ADCY2: variants seen among roughly 807,000 people sequenced by gnomAD.
ADCY2 encodes adenylate cyclase type 2.
In ADCY2, 31 loss-of-function variants were observed where a neutral mutation model predicts 125.2. The ratio of observed to expected loss-of-function variants is 0.25; its 90% CI spans 0.19 to 0.33. The LOEUF is 0.33. Among genes scored for constraint, ADCY2 ranks in the 10% least tolerant of loss-of-function variants. The probability of loss-of-function intolerance (pLI) is 1.00; values close to 1 mark genes in which losing one functional copy is unlikely to be tolerated. For missense variants in ADCY2, 904 were observed against 1,418.2 expected (o/e 0.64, Z 5.82); for synonymous variants, 512 against 548.4 (o/e 0.93, Z 0.93).
chr5:7,732,909 A>G (rs1378584939), intron 14 of ADCY2, among the ~76,000 whole-genome samples: 3 of 152,232 alleles, frequency 2.0e-5, no homozygotes, highest in African/African-American at 7.2e-5. Flanking sequence ...ATAGAATTAA[A>G]TTATTGGTTG....
rs1438693173 is a variant in ADCY2, at chr5:7,396,439, T to C, written c.143T>C (p.Val48Ala). ...YCMSQQHPLI[V>A]FLLLIVMGSC... ...ATGAGCCAGCAGCACCCGCTCATCGTCTTCCTGCTGCTCATCGTCATGGGC... is the reference window on the plus strand; with the variant it reads ...ATGAGCCAGCAGCACCCGCTCATCGCCTTCCTGCTGCTCATCGTCATGGGC... Residue 48 changes from valine to alanine, a missense_variant, in exon 1 of 25, where the codon GTC (valine) becomes GCC (alanine). Val to Ala is a moderately conservative substitution (Grantham distance 64). This residue lies in a region of ADCY2 where 113 missense variants were observed against 108.0 expected (regional missense o/e 1.05). Coordinates refer to ENST00000338316, the MANE Select transcript of ADCY2 (RefSeq NM_020546.3). This position sits in a 1 kb window ranked among gnomAD's most constrained non-coding sequence, Gnocchi z 5.7. The C allele has an allele frequency of 8.9e-6, 14 of 1,579,224 alleles. No homozygotes were observed. Among genetic ancestry groups the C allele is most frequent in the Non-Finnish European group, 1.2e-5 (14 of 1,163,154 alleles).
In ADCY2 at chr5:7,677,689, G is replaced by T. The variant is rs370365684; in HGVS notation, c.721-13002G>T. Among the ~76,000 whole-genome samples the T allele has an allele frequency of 3.9e-5, 6 of 152,260 alleles. No homozygotes were observed. In the South Asian group the frequency reaches 1.2e-3, roughly 32 times the overall value. The stretch of plus-strand genomic sequence containing the variant: ...TGTAGGGTCAGCCCACCTTCCAGCC[G>T]AGCACAATCATGGGATTGTTGACAG... On this transcript the variant is annotated intron_variant, in intron 4 of 24. Transcript: ENST00000338316.
chr5:7,766,613 T>C, intron 16 of ADCY2, 74 bp from the exon 17 acceptor site: 1 of 1,511,616 alleles, frequency 6.6e-7, no homozygotes, highest in Non-Finnish European at 9.0e-7. Flanking sequence ...ACAGAATTCA[T>C]AAAGTTAGCA....
intron 24 of ADCY2, among the ~76,000 whole-genome samples, chr5:7,824,243 A>G (rs772096754): frequency 1.1e-4 from 16 of 152,170 alleles, no homozygotes; most frequent in Non-Finnish European, 2.2e-4. Context: ...GGAAACCCCA[A>G]GAACAGCATA....
intron 7 of ADCY2, 71 bp downstream of exon 7, chr5:7,698,445 G>GT (rs1313553424): frequency 2.0e-6 from 3 of 1,511,452 alleles, no homozygotes; most frequent in African/African-American, 1.4e-5. Context: ...CAACGTGCAG[G>GT]TTTGTTACAT....
intron 3 of ADCY2, among the ~76,000 whole-genome samples, chr5:7,625,845 A>C (rs1738100534): frequency 6.6e-6 from 1 of 152,172 alleles, no homozygotes; most frequent in Non-Finnish European, 1.5e-5. Flanking sequence ...AAGGTCTCCT[A>C]ATCCTGGGCT....
intron 1 of ADCY2, among the ~76,000 whole-genome samples, chr5:7,410,881 C>T (rs1053286781): frequency 6.6e-6 from 1 of 152,064 alleles, no homozygotes; most frequent in African/African-American, 2.4e-5. Flanking sequence ...ATCAGAAGAA[C>T]ATGGCCTCGG....
rs763660739 is a variant in ADCY2, at chr5:7,717,199, A to G, written c.1665A>G (p.Glu555=). 1 of 1,611,216 alleles carries G rather than the reference A, an allele frequency of 6.2e-7. No homozygotes were observed. Residue 555 remains glutamate, a synonymous_variant, in exon 12 of 25, where the codon GAA becomes GAG. Transcript: ENST00000338316. ...AGAGATTTGAAGAAGAATTGAATGA[A>G]AGGATGATTCAAGCAATTGATGGGA... ...QKKRFEEELN[E]RMIQAIDGIN...
intron 2 of ADCY2, among the ~76,000 whole-genome samples, chr5:7,504,038 C>G (rs552225076): frequency 1.3e-5 from 2 of 152,018 alleles, no homozygotes; most frequent in South Asian, 4.2e-4. Context: ...TGGCTGTGCT[C>G]CTGATGTAGG....
intron 23 of ADCY2, among the ~76,000 whole-genome samples, chr5:7,819,264 A>T (rs1368434702): frequency 6.6e-6 from 1 of 152,220 alleles, no homozygotes; most frequent in Admixed American, 6.5e-5. Context: ...ACCTAGGAAC[A>T]GTACCTTGCA....
chr5:7,789,167 A>ATTTC (rs1744175040), intron 19 of ADCY2, among the ~76,000 whole-genome samples: 1 of 152,246 alleles, frequency 6.6e-6, no homozygotes, highest in East Asian at 1.9e-4. Flanking sequence ...TGCAATGATT[A>ATTTC]CATAATTATA....
intron 2 of ADCY2, among the ~76,000 whole-genome samples, chr5:7,421,062 C>T (rs1740184191): frequency 6.6e-6 from 1 of 152,028 alleles, no homozygotes; most frequent in Non-Finnish European, 1.5e-5. Flanking sequence ...AGGATTTCTA[C>T]CCATAATTGC....
At chr5:7,562,413 G>A (rs974135387) in intron 3 of ADCY2, among the ~76,000 whole-genome samples, 4 of 152,054 alleles carry the variant, frequency 2.6e-5, no homozygotes, top group Admixed American at 2.0e-4. Flanking sequence ...TAATGGAAGG[G>A]ACTCTCTTGC....
intron 2 of ADCY2, among the ~76,000 whole-genome samples, chr5:7,446,856 G>A (rs552084974): frequency 4.5e-4 from 68 of 152,256 alleles, no homozygotes; most frequent in Non-Finnish European, 8.5e-4. Context: ...TTTTTCTTTT[G>A]CATTTGCCTT....
At chr5:7,756,843 G>A (rs1051401385) in intron 15 of ADCY2, among the ~76,000 whole-genome samples, 1 of 152,198 alleles carries the variant, frequency 6.6e-6, no homozygotes, top group African/African-American at 2.4e-5. Context: ...TTCTAACACC[G>A]TTAAAAATTG....
rs1259318311 is a variant in ADCY2, at chr5:7,584,578, G to A, written c.571-41589G>A. On this transcript the variant is annotated intron_variant, in intron 3 of 24. Transcript: ENST00000338316. ...TGTGTGCACCCAGCTTTGTAACTGT[G>A]GTTATCTGAAATGCCATGACGAACA... 2.0e-5 allele frequency among the ~76,000 whole-genome samples: 3 copies of A among 152,168 alleles called. No individual in the cohort carries two copies. The East Asian group carries it at 5.8e-4, about 29-fold the overall frequency.
chr5:7,556,915 G>A lies in ADCY2; in HGVS notation c.570+36016G>A, dbSNP rs142354694. Among the ~76,000 whole-genome samples, 206 of 151,998 alleles carry A rather than the reference G, an allele frequency of 1.4e-3. 1 individual carries two copies. Among genetic ancestry groups the A allele is most frequent in the African/African-American group, 4.3e-3 (177 of 41,440 alleles). On this transcript the variant is annotated intron_variant, in intron 3 of 24. Coordinates refer to ENST00000338316, the MANE Select transcript of ADCY2 (RefSeq NM_020546.3). Reference sequence around the variant, plus strand: ...TGGAAAAATTGTCTTCCACAAAACCGGCCTCTGGTGTCAAAAAGAGTGGGT... The same window carrying A: ...TGGAAAAATTGTCTTCCACAAAACCAGCCTCTGGTGTCAAAAAGAGTGGGT...
chr5:7,705,810 C>T (rs966870057), intron 7 of ADCY2, among the ~76,000 whole-genome samples: 2 of 151,958 alleles, frequency 1.3e-5, no homozygotes, highest in African/African-American at 2.4e-5. Context: ...TTTCAGAGTG[C>T]GATTTATTTT....
At chr5:7,499,859 A>G (rs1415883271) in intron 2 of ADCY2, among the ~76,000 whole-genome samples, 1 of 151,820 alleles carries the variant, frequency 6.6e-6, no homozygotes, top group Non-Finnish European at 1.5e-5. Context: ...ATTAAGATAA[A>G]CTACTTGGCC....
Sources: allele counts gnomAD v4.1 joint callset (sites outside exome capture counted in the v4.1 genomes callset), GRCh38; gene constraint gnomAD v4.1.1; regional missense constraint gnomAD v4.1.1; non-coding constraint Gnocchi (gnomAD v3.1); transcripts MANE v1.5; gene names NCBI Gene and HGNC (gene_info 2026-07-23, HGNC 2026-07-21).